Variants in MAX observed in about 807,000 individuals in gnomAD.
MAX encodes the protein protein max.
Under a neutral mutation model 22.3 loss-of-function variants are expected in MAX, and 3 were observed. The ratio of observed to expected loss-of-function variants is 0.13; its 90% confidence interval spans 0.06 to 0.35. MAX has a LOEUF of 0.35. Ranked by LOEUF, MAX falls within the 10% of genes least tolerant of loss-of-function variation. The probability of loss-of-function intolerance (pLI) is 1.00; values close to 1 mark genes in which losing one functional copy is unlikely to be tolerated. For synonymous variants in MAX, 72 were observed against 77.7 expected (o/e 0.93, Z 0.39); for missense variants, 119 against 209.4 (o/e 0.57, Z 2.66).
At chr14:65,052,483 C>G (rs189236744) in intron 3 of MAX, among the ~76,000 whole-genome samples, 1 of 152,124 alleles carries the variant, frequency 6.6e-6, no homozygotes, top group Non-Finnish European at 1.5e-5. Context: ...TATTTTTAAT[C>G]GATTTCTATG....
chr14:65,078,372 TTTTG>T lies in MAX; in HGVS notation c.172-340_172-337del. Among the ~76,000 whole-genome samples, 1 of 151,896 alleles carries T rather than the reference TTTTG, an allele frequency of 6.6e-6. No homozygotes were observed. Among genetic ancestry groups the T allele is most frequent in the Non-Finnish European group, 1.5e-5 (1 of 67,994 alleles). ...GTGCGCCACCACGCCCATCTAATTT[TTTTG>T]TATTTTTAGTAGAAATGCGGTTTCA... On this transcript the variant is annotated intron_variant, in intron 3 of 4. Coordinates refer to ENST00000358664, the MANE Select transcript of MAX (RefSeq NM_002382.5). The surrounding 1 kb of genome is among the most constrained non-coding windows in gnomAD (Gnocchi z 6.4).
chr14:65,101,441 T>C, intron 2 of MAX, 105 bp downstream of exon 2: 1 of 1,071,138 alleles, frequency 9.3e-7, no homozygotes, highest in Non-Finnish European at 1.4e-6. Context: ...ACATTAGAGT[T>C]TACTACAATA....
chr14:65,056,301 C>G (rs2062735519), intron 3 of MAX, among the ~76,000 whole-genome samples: 1 of 152,136 alleles, frequency 6.6e-6, no homozygotes, highest in South Asian at 2.1e-4. Context: ...CAGTGTGTTT[C>G]TCTGTTCTCC....
intron 3 of MAX, among the ~76,000 whole-genome samples, chr14:65,017,671 A>G (rs2061803470): frequency 6.6e-6 from 1 of 152,168 alleles, no homozygotes; most frequent in Non-Finnish European, 1.5e-5. Context: ...TTTTAAATGT[A>G]AAGCTGGGTG....
At chr14:65,041,540 T>C (rs1251371598) in intron 3 of MAX, among the ~76,000 whole-genome samples, 1 of 152,144 alleles carries the variant, frequency 6.6e-6, no homozygotes, top group African/African-American at 2.4e-5. Flanking sequence ...GTCATGTCAT[T>C]TGGGGAGCAT....
intron 2 of MAX, among the ~76,000 whole-genome samples, chr14:65,096,707 G>C (rs528217669): frequency 1.3e-5 from 2 of 151,996 alleles, no homozygotes; most frequent in African/African-American, 4.8e-5. Flanking sequence ...ATGCAAAACT[G>C]GTTTTAAAAA....
chr14:65,032,791 G>C lies in MAX; in HGVS notation c.172-26507C>G. ...AAGAAAATGCAGAGGGACTTGGAAG[G>C]AAATACAAAAATCACAGGAGATCCA... On this transcript the variant is annotated intron_variant, in intron 3 of 3. Transcript: ENST00000341653. This position sits in a 1 kb window ranked among gnomAD's most constrained non-coding sequence, Gnocchi z 5.0. 1.6e-6 allele frequency: 2 copies of C among 1,230,034 alleles called. No individual in the cohort carries two copies. The highest frequency in any genetic ancestry group is 3.1e-5 in the South Asian group (2 of 65,508). The allele number at this position is 1,230,034 out of a possible 1,614,324, so 76.2% of individuals were successfully genotyped here.
chr14:65,098,748 A>T (rs76241109), intron 2 of MAX, among the ~76,000 whole-genome samples: 4,778 of 152,290 alleles, frequency 0.031, 233 homozygotes, highest in African/African-American at 0.11. Context: ...TTCCTTTAAC[A>T]AAGCTTACTG....
Position 65,028,626 on chromosome 14 carries a change from A to G in MAX, c.172-22342T>C, listed in dbSNP as rs967936443. On this transcript the variant is annotated intron_variant, in intron 3 of 3. Coordinates refer to the MAX transcript ENST00000341653. This position sits in a 1 kb window ranked among gnomAD's most constrained non-coding sequence, Gnocchi z 4.4. ...GAAAAAACCACGAACATTGTGGAGC[A>G]TAAAATACATTACAGATAATAGGTA... 3.3e-5 allele frequency among the ~76,000 whole-genome samples: 5 copies of G among 152,254 alleles called. No individual in the cohort carries two copies. Among genetic ancestry groups the G allele is most frequent in the East Asian group, 1.9e-4 (1 of 5,198 alleles).
chr14:65,102,029 G>A (rs935957669), intron 1 of MAX, among the ~76,000 whole-genome samples: 3 of 152,212 alleles, frequency 2.0e-5, no homozygotes, highest in Admixed American at 1.3e-4. Context: ...AGCCGGGGAA[G>A]GTGGGAGCGG....
chr14:65,038,161 A>G (rs2062256824), intron 3 of MAX, among the ~76,000 whole-genome samples: 2 of 152,164 alleles, frequency 1.3e-5, no homozygotes, highest in African/African-American at 4.8e-5. Flanking sequence ...CTGTAATCCT[A>G]ACACTTTGGG....
At chr14:65,097,423 G>A (rs1037265663) in intron 2 of MAX, among the ~76,000 whole-genome samples, 2 of 152,124 alleles carry the variant, frequency 1.3e-5, no homozygotes, top group South Asian at 2.1e-4. Flanking sequence ...CAAATAGCAC[G>A]GGGAAATAAA....
At chr14:65,097,050 A>AGGG (rs1301661854) in intron 2 of MAX, among the ~76,000 whole-genome samples, 1 of 152,206 alleles carries the variant, frequency 6.6e-6, no homozygotes, top group Non-Finnish European at 1.5e-5. Flanking sequence ...TGCTCAACAG[A>AGGG]AACTCCCGCA....
At chr14:65,052,042 C>G (rs932890643) in intron 3 of MAX, among the ~76,000 whole-genome samples, 1 of 152,016 alleles carries the variant, frequency 6.6e-6, no homozygotes, top group Admixed American at 6.6e-5. Context: ...TGATCAACCC[C>G]CCTCAGCCTC....
At chr14:65,026,438 C>G (rs1011975980) in intron 3 of MAX, among the ~76,000 whole-genome samples, 4 of 152,198 alleles carry the variant, frequency 2.6e-5, no homozygotes, top group Non-Finnish European at 5.9e-5. Flanking sequence ...CTCCAAGAAC[C>G]CGCAGACTGG....
At chr14:65,042,004 T>C (rs1184225674) in intron 3 of MAX, among the ~76,000 whole-genome samples, 1 of 152,194 alleles carries the variant, frequency 6.6e-6, no homozygotes, top group Non-Finnish European at 1.5e-5. Context: ...CTTGATATTT[T>C]TTTCTTTTAT....
At chr14:65,026,421 G>C (rs897068996) in intron 3 of MAX, among the ~76,000 whole-genome samples, 3 of 152,198 alleles carry the variant, frequency 2.0e-5, no homozygotes, top group African/African-American at 7.2e-5. Flanking sequence ...AATTAACGTG[G>C]AGAATTCTCC....
intron 3 of MAX, among the ~76,000 whole-genome samples, chr14:65,017,174 C>T (rs1016106595): frequency 2.6e-5 from 4 of 152,216 alleles, no homozygotes; most frequent in East Asian, 1.9e-4. Context: ...CTACCTGCCT[C>T]GGCCTCCCAA....
At chr14:65,058,268 T>TC (rs141794008) in intron 3 of MAX, among the ~76,000 whole-genome samples, 12,460 of 151,310 alleles carry the variant, frequency 0.082, 1,711 homozygotes, top group African/African-American at 0.29. Flanking sequence ...TTTTTTTTTT[T>TC]CGGTTAGAGT....
Sources: gnomAD v4.1 joint callset for allele counts (sites outside exome capture counted in the v4.1 genomes callset) on GRCh38, gnomAD v4.1.1 for gene constraint, Gnocchi (gnomAD v3.1) non-coding constraint, MANE v1.5 for transcripts, NCBI Gene and HGNC (gene_info 2026-07-23, HGNC 2026-07-21) for gene names.